The following DCLK2 variants were observed in gnomAD, a reference collection of about 807,000 sequenced individuals.
The protein encoded by DCLK2 is serine/threonine-protein kinase DCLK2.
A neutral mutation model predicts 78.4 loss-of-function variants in DCLK2; 31 were observed. That is an observed-to-expected ratio of 0.40 (90% confidence interval 0.30 to 0.53). DCLK2 has a LOEUF of 0.53. Ranked by LOEUF, DCLK2 falls within the 20% of genes least tolerant of loss-of-function variation. The pLI is 0.61. For missense variants in DCLK2, 872 were observed against 973.7 expected (o/e 0.90, Z 1.39); for synonymous variants, 407 against 374.9 (o/e 1.09, Z -0.99).
At chr4:150,205,353 A>G (rs1311451438) in intron 5 of DCLK2, among the ~76,000 whole-genome samples, 1 of 152,216 alleles carries the variant, frequency 6.6e-6, no homozygotes, top group Non-Finnish European at 1.5e-5. Flanking sequence ...TAAGTACCTG[A>G]GAATAAAAAG....
chr4:150,255,947 G>C, intron 15 of DCLK2, 73 bp from the exon 16 acceptor site: 3 of 1,562,690 alleles, frequency 1.9e-6, no homozygotes, highest in Non-Finnish European at 2.6e-6. Flanking sequence ...GCTCTGTTGT[G>C]CTCTCTGCTC....
intron 10 of DCLK2, 133 bp downstream of exon 10, chr4:150,232,961 C>A: frequency 1.7e-6 from 2 of 1,157,968 alleles, no homozygotes; most frequent in Non-Finnish European, 2.4e-6. Context: ...ATTAGCAAGA[C>A]TTATGTCAAT....
intron 2 of DCLK2, among the ~76,000 whole-genome samples, chr4:150,136,979 C>CTTCTT (rs777609272): frequency 3.6e-5 from 3 of 82,404 alleles, no homozygotes; most frequent in Admixed American, 3.7e-4. Context: ...TCTTCTTCTT[C>CTTCTT]TTTTTTTTTT....
In DCLK2 at chr4:150,208,401, T is replaced by TTTTTG. The variant is rs139381318; in HGVS notation, c.1056+4536_1056+4540dup. Among the ~76,000 whole-genome samples, 267 of 146,710 alleles carry TTTTTG rather than the reference T, an allele frequency of 1.8e-3. 3 individuals are homozygous for TTTTTG. Among genetic ancestry groups the TTTTTG allele is most frequent in the African/African-American group, 6.3e-3 (254 of 40,024 alleles). On this transcript the variant is annotated intron_variant, in intron 5 of 15. Coordinates refer to ENST00000296550, the MANE Select transcript of DCLK2 (RefSeq NM_001040260.4). ...TGGAGAAACGGAGTTTTTTTTTTTG[T>TTTTTG]TTTTGTTTTGTTTTGTTTTGTTTTG...
intron 2 of DCLK2, among the ~76,000 whole-genome samples, chr4:150,152,991 TGA>T (rs1338909629): frequency 6.6e-6 from 1 of 152,218 alleles, no homozygotes; most frequent in Non-Finnish European, 1.5e-5. Flanking sequence ...AATCTGACCG[TGA>T]GAGAATCTTC....
intron 3 of DCLK2, among the ~76,000 whole-genome samples, chr4:150,194,939 T>C (rs995031969): frequency 6.6e-6 from 1 of 151,040 alleles, no homozygotes; most frequent in African/African-American, 2.4e-5. Flanking sequence ...GGGTCATTCA[T>C]CTACTCTTTT....
chr4:150,179,342 T>G (rs557113658), intron 2 of DCLK2, among the ~76,000 whole-genome samples: 1 of 152,208 alleles, frequency 6.6e-6, no homozygotes, highest in African/African-American at 2.4e-5. Flanking sequence ...TTTCTTCTTT[T>G]AATAGTGATG....
chr4:150,088,871 C>T (rs989040463), intron 1 of DCLK2, among the ~76,000 whole-genome samples: 1 of 152,190 alleles, frequency 6.6e-6, no homozygotes, highest in East Asian at 1.9e-4. Flanking sequence ...AGTTCCCCCA[C>T]GAAAGCACAC....
intron 5 of DCLK2, among the ~76,000 whole-genome samples, chr4:150,207,675 A>C (rs1263456605): frequency 6.6e-6 from 1 of 152,208 alleles, no homozygotes; most frequent in East Asian, 1.9e-4. Context: ...GTGAGCATGT[A>C]AGAAATAGGG....
chr4:150,242,907 G>C (rs546621858), intron 12 of DCLK2, among the ~76,000 whole-genome samples: 5 of 151,468 alleles, frequency 3.3e-5, no homozygotes, highest in Admixed American at 2.0e-4. Context: ...GTCATGTTTT[G>C]GGAGAAGGGG....
At chr4:150,136,405 A>T (rs1245454569) in intron 2 of DCLK2, among the ~76,000 whole-genome samples, 1 of 152,164 alleles carries the variant, frequency 6.6e-6, no homozygotes, top group Non-Finnish European at 1.5e-5. Flanking sequence ...ACAGTAATTG[A>T]AGTACCTGGG....
At chr4:150,085,243 G>A (rs1560757320) in intron 1 of DCLK2, among the ~76,000 whole-genome samples, 1 of 152,076 alleles carries the variant, frequency 6.6e-6, no homozygotes, top group South Asian at 2.1e-4. Flanking sequence ...CTGTTTGTGG[G>A]GTCTTTGGGA....
intron 2 of DCLK2, among the ~76,000 whole-genome samples, chr4:150,109,757 C>A (rs1182287055): frequency 6.6e-6 from 1 of 152,102 alleles, no homozygotes. Context: ...TTTATCCCAA[C>A]CAAGAATCAA....
At chr4:150,231,416 A>G (rs1742048698) in intron 8 of DCLK2, among the ~76,000 whole-genome samples, 1 of 152,216 alleles carries the variant, frequency 6.6e-6, no homozygotes, top group South Asian at 2.1e-4. Flanking sequence ...ATTTTTCTCC[A>G]CATGTTATTT....
At chr4:150,105,402 T>C (rs961504743) in intron 2 of DCLK2, among the ~76,000 whole-genome samples, 1 of 151,368 alleles carries the variant, frequency 6.6e-6, no homozygotes, top group Non-Finnish European at 1.5e-5. Flanking sequence ...TTAAAAAATG[T>C]TGTTTCACAA....
intron 2 of DCLK2, among the ~76,000 whole-genome samples, chr4:150,121,563 C>G (rs1732541639): frequency 6.6e-6 from 1 of 152,200 alleles, no homozygotes; most frequent in African/African-American, 2.4e-5. Flanking sequence ...TGTTAAACCC[C>G]CTCAGTCATT....
intron 2 of DCLK2, among the ~76,000 whole-genome samples, chr4:150,125,276 T>C (rs1732841172): frequency 6.6e-6 from 1 of 152,202 alleles, no homozygotes; most frequent in Non-Finnish European, 1.5e-5. Flanking sequence ...CTCTCAAGGC[T>C]CATTTCCAAG....
intron 2 of DCLK2, among the ~76,000 whole-genome samples, chr4:150,142,840 A>T (rs1244832180): frequency 6.6e-6 from 1 of 151,676 alleles, no homozygotes; most frequent in Non-Finnish European, 1.5e-5. Flanking sequence ...CTCAGGAGGA[A>T]CATGCACATG....
At chr4:150,139,794 T>A (rs1733981679) in intron 2 of DCLK2, among the ~76,000 whole-genome samples, 1 of 152,220 alleles carries the variant, frequency 6.6e-6, no homozygotes. Flanking sequence ...CCAAAGCTAA[T>A]GCCATTTTGA....
Sources: gnomAD v4.1 joint callset for allele counts (sites outside exome capture counted in the v4.1 genomes callset) on GRCh38, gnomAD v4.1.1 for gene constraint, MANE v1.5 for transcripts, NCBI Gene and HGNC (gene_info 2026-07-23, HGNC 2026-07-21) for gene names.